Variants in SYNDIG1 observed in about 807,000 individuals in gnomAD.
The protein encoded by SYNDIG1 is synapse differentiation inducing 1.
In SYNDIG1, 9 loss-of-function variants were observed where a neutral mutation model predicts 19.4. The ratio of observed to expected loss-of-function variants is 0.46; its 90% CI spans 0.28 to 0.81. The LOEUF (loss-of-function observed/expected upper bound fraction) is 0.81, where lower values mean the gene tolerates loss of function less well. Ranked by LOEUF, SYNDIG1 falls within the 30% of genes least tolerant of loss-of-function variation. SYNDIG1 has a pLI of 0.12. For missense variants in SYNDIG1, 311 were observed against 343.3 expected, an observed-to-expected ratio of 0.91 and a Z score of 0.74; for synonymous variants, 141 against 145.9, an observed-to-expected ratio of 0.97 and a Z score of 0.24.
intron 3 of SYNDIG1, among the ~76,000 whole-genome samples, chr20:24,653,662 C>G (rs951365127): frequency 6.6e-6 from 1 of 152,224 alleles, no homozygotes; most frequent in African/African-American, 2.4e-5. Flanking sequence ...CCTGGAGAAA[C>G]TGAATGTCTC....
At chr20:24,648,409 C>A (rs1014808318) in intron 3 of SYNDIG1, among the ~76,000 whole-genome samples, 7 of 152,244 alleles carry the variant, frequency 4.6e-5, no homozygotes, top group South Asian at 2.1e-4. Context: ...ACTCTGACTA[C>A]TGAATCTTCA....
chr20:24,581,289 A>G (rs964138903), intron 2 of SYNDIG1, among the ~76,000 whole-genome samples: 3 of 152,226 alleles, frequency 2.0e-5, no homozygotes, highest in Middle Eastern at 3.2e-3. Flanking sequence ...GACAATGACA[A>G]TGAAGATAGT....
Sources: allele counts gnomAD v4.1 joint callset (sites outside exome capture counted in the v4.1 genomes callset), GRCh38; gene constraint gnomAD v4.1.1; transcripts MANE v1.5; gene names NCBI Gene and HGNC (gene_info 2026-07-23, HGNC 2026-07-21).